The following NYAP2 variants were observed in gnomAD, a reference collection of about 807,000 sequenced individuals.
The protein encoded by NYAP2 is neuronal tyrosine-phosphorylated phosphoinositide-3-kinase adapter 2.
NYAP2 carries 23 observed loss-of-function variants against 50.4 expected under a neutral mutation model. The ratio of observed to expected loss-of-function variants is 0.46; its 90% confidence interval spans 0.33 to 0.65. NYAP2 has a LOEUF of 0.65. Among genes scored for constraint, NYAP2 ranks in the 30% least tolerant of loss-of-function variants. NYAP2 has a pLI of 0.02. For synonymous variants in NYAP2, 394 were observed against 365.2 expected (o/e 1.08, Z -0.90); for missense variants, 885 against 861.0 (o/e 1.03, Z -0.35).
At chr2:225,634,442 T>C (rs963423850) in intron 6 of NYAP2, among the ~76,000 whole-genome samples, 12 of 152,164 alleles carry the variant, frequency 7.9e-5, no homozygotes, top group African/African-American at 2.9e-4. Context: ...TGACCCATTG[T>C]AGGGAAGCAT....
rs112700820 is a variant in NYAP2, at chr2:225,589,516, A to AAAATAT, written c.1618+6482_1618+6483insAATATA. Among the ~76,000 whole-genome samples the AAAATAT allele has an allele frequency of 2.0e-4, 14 of 71,342 alleles. 1 individual carries two copies. The highest frequency in any genetic ancestry group is 5.4e-4 in the South Asian group (1 of 1,856). The allele number at this position is 71,342 out of a possible 152,430, so 46.8% of individuals were successfully genotyped here. On this transcript the variant is annotated intron_variant, in intron 5 of 6. Transcript: ENST00000636099. ...AAGACTATATCTCTACTAAAAGTAA[A>AAAATAT]ATATATATATATATATATATATATA...
At chr2:225,575,629 T>A (rs192448352) in intron 4 of NYAP2, among the ~76,000 whole-genome samples, 110 of 152,352 alleles carry the variant, frequency 7.2e-4, no homozygotes, top group African/African-American at 2.5e-3. Context: ...AGCATGGTGA[T>A]CTTCTGAGTG....
chr2:225,632,967 A>G (rs78456997), intron 6 of NYAP2, among the ~76,000 whole-genome samples: 16,608 of 152,304 alleles, frequency 0.11, 1,018 homozygotes, highest in South Asian at 0.15. Context: ...CTATACGTTT[A>G]AAATCATTCA....
chr2:225,702,908 C>T, the NYAP2 span: 3 of 151,466 alleles, frequency 2.0e-5, no homozygotes, highest in Non-Finnish European at 4.4e-5. Context: ...GGTTTGCCCA[C>T]CCTAAAAGCA....
At chr2:225,661,844 C>T in the NYAP2 span, among the ~76,000 whole-genome samples, 1 of 152,064 alleles carries the variant, frequency 6.6e-6, no homozygotes, top group Non-Finnish European at 1.5e-5. Context: ...CTGCCTCAGC[C>T]TCCCAAGTAG....
rs149724092 is a variant in NYAP2 at position 225,639,749 on chromosome 2, G to C, written c.1829-11683G>C. On this transcript the variant is annotated intron_variant, in intron 6 of 6. Transcript: ENST00000636099. ...ATTGAGTACATGCCAGTGAGGGAGAGAGCCATTACAGAAATGACAAAATTT... is the reference window on the plus strand; with the variant it reads ...ATTGAGTACATGCCAGTGAGGGAGACAGCCATTACAGAAATGACAAAATTT... Among the ~76,000 whole-genome samples the C allele has an allele frequency of 2.7e-3, 407 of 152,266 alleles. 5 individuals carry two copies. The highest frequency in any genetic ancestry group is 9.4e-3 in the African/African-American group (392 of 41,542).
chr2:225,567,208 G>A (rs1691977668), intron 4 of NYAP2, among the ~76,000 whole-genome samples: 1 of 152,032 alleles, frequency 6.6e-6, no homozygotes, highest in African/African-American at 2.4e-5. Context: ...CATAGAGAAG[G>A]TAGAGTAAAA....
At chr2:225,461,876 A>C (rs1689839895) in intron 3 of NYAP2, among the ~76,000 whole-genome samples, 1 of 152,202 alleles carries the variant, frequency 6.6e-6, no homozygotes, top group Non-Finnish European at 1.5e-5. Flanking sequence ...TAATTTAGGA[A>C]AGACAATAAT....
chr2:225,547,576 T>G (rs1691606662), intron 4 of NYAP2, among the ~76,000 whole-genome samples: 1 of 152,202 alleles, frequency 6.6e-6, no homozygotes, highest in African/African-American at 2.4e-5. Context: ...CTGGTTTTGC[T>G]TTCCTCTGTG....
chr2:225,670,621 A>AG, the NYAP2 span, among the ~76,000 whole-genome samples: 83,387 of 139,944 alleles, frequency 0.6, 26,730 homozygotes, highest in South Asian at 0.81. Context: ...AAAAAAAAAA[A>AG]AAAAAAAAAA....
At chr2:225,419,800 A>G (rs1434306175) in intron 3 of NYAP2, among the ~76,000 whole-genome samples, 1 of 152,154 alleles carries the variant, frequency 6.6e-6, no homozygotes, top group Non-Finnish European at 1.5e-5. Context: ...ACATGGCACC[A>G]TGTCTACAAA....
intron 3 of NYAP2, among the ~76,000 whole-genome samples, chr2:225,489,096 G>A (rs1559193818): frequency 6.6e-6 from 1 of 152,136 alleles, no homozygotes. Context: ...TCACCAGCAC[G>A]TTTTACTCCA....
chr2:225,558,658 G>A (rs1271509147), intron 4 of NYAP2, among the ~76,000 whole-genome samples: 1 of 152,102 alleles, frequency 6.6e-6, no homozygotes, highest in African/African-American at 2.4e-5. Context: ...AATCACATCT[G>A]TTGAGTTCTC....
At chr2:225,593,457 G>A (rs1201647054) in intron 5 of NYAP2, among the ~76,000 whole-genome samples, 1 of 152,132 alleles carries the variant, frequency 6.6e-6, no homozygotes, top group Non-Finnish European at 1.5e-5. Flanking sequence ...CTTGCTGAAA[G>A]GACTTCGCCA....
At chr2:225,398,184 A>T (rs1298828091), upstream of NYAP2, among the ~76,000 whole-genome samples, 1 of 151,998 alleles carries the variant, frequency 6.6e-6, no homozygotes, top group Admixed American at 6.6e-5. Flanking sequence ...GAACCACTGT[A>T]CTGGCCAAAG....
At chr2:225,519,825 T>G (rs1337872482) in intron 4 of NYAP2, among the ~76,000 whole-genome samples, 1 of 152,214 alleles carries the variant, frequency 6.6e-6, no homozygotes. Flanking sequence ...TTTCTAGTTT[T>G]AGATCCCTGA....
rs1692448594 is a variant in NYAP2, at chr2:225,589,368, C to T, written c.1618+6333C>T. Among the ~76,000 whole-genome samples, 4 of 150,268 alleles carry T rather than the reference C, an allele frequency of 2.7e-5. No homozygotes were observed. In the East Asian group the frequency reaches 7.8e-4, roughly 29 times the overall value. On this transcript the variant is annotated intron_variant, in intron 5 of 6. Coordinates refer to ENST00000636099, the Ensembl canonical transcript of NYAP2. ...GGAGAATCCACACATTTTGTTTGGC[C>T]TATTTAATATACATTTTGAGGTTGG...
chr2:225,520,270 A>G (rs1691024028), intron 4 of NYAP2, among the ~76,000 whole-genome samples: 2 of 151,992 alleles, frequency 1.3e-5, no homozygotes, highest in African/African-American at 2.4e-5. Flanking sequence ...GAAGCTCTTT[A>G]GTTTAATTAG....
chr2:225,644,324 G>A (rs1221578151), intron 6 of NYAP2, among the ~76,000 whole-genome samples: 1 of 151,800 alleles, frequency 6.6e-6, no homozygotes, highest in Non-Finnish European at 1.5e-5. Context: ...TGAGTTCATT[G>A]TAGATTCTGG....
Sources: allele counts gnomAD v4.1 joint callset (sites outside exome capture counted in the v4.1 genomes callset), GRCh38; gene constraint gnomAD v4.1.1; transcripts MANE v1.5; gene names NCBI Gene and HGNC (gene_info 2026-07-23, HGNC 2026-07-21).